Variants in DNAAF4 observed in about 807,000 individuals in gnomAD.
DNAAF4 encodes the protein dynein assembly factor 4, axonemal.
Under a neutral mutation model 51.8 loss-of-function variants are expected in DNAAF4, and 43 were observed. That is an observed-to-expected ratio of 0.83 (90% CI 0.65 to 1.07). The LOEUF is 1.07. Ranked by LOEUF, DNAAF4 falls within the 50% of genes least tolerant of loss-of-function variation. DNAAF4 has a pLI of 0.00. For synonymous variants in DNAAF4, 194 were observed against 165.6 expected, an observed-to-expected ratio of 1.17 and a Z score of -1.32; for missense variants, 581 against 493.0, an observed-to-expected ratio of 1.18 and a Z score of -1.69.
chr15:55,457,429 C>T (rs748045921), intron 5 of DNAAF4, among the ~76,000 whole-genome samples: 1 of 152,168 alleles, frequency 6.6e-6, no homozygotes, highest in African/African-American at 2.4e-5. Flanking sequence ...AGCCCAGACC[C>T]AACTAACCTT....
intron 5 of DNAAF4, among the ~76,000 whole-genome samples, chr15:55,451,219 G>T (rs1467649546): frequency 6.6e-6 from 1 of 152,216 alleles, no homozygotes; most frequent in Non-Finnish European, 1.5e-5. Context: ...TAACAGAGGT[G>T]ATCCCATCAG....
Position 55,497,702 on chromosome 15 carries a change from A to C in DNAAF4, c.271+10T>G, listed in dbSNP as rs1490747250. On this transcript the variant is annotated intron_variant, in intron 3 of 9. Coordinates refer to ENST00000321149, the MANE Select transcript of DNAAF4 (RefSeq NM_130810.4). ...ACAACCAGATGAACATCTTTTAATA[A>C]AGAACTTACCACCCGTCACAGAAAG... 1 of 1,592,246 alleles carries C rather than the reference A, an allele frequency of 6.3e-7. No individual in the cohort carries two copies. Among genetic ancestry groups the C allele is most frequent in the Non-Finnish European group, 8.5e-7 (1 of 1,172,440 alleles).
chr15:55,419,607 TGATA>T (rs1239675623), intron 7 of DNAAF4, among the ~76,000 whole-genome samples: 5 of 152,334 alleles, frequency 3.3e-5, no homozygotes, highest in African/African-American at 9.6e-5. Context: ...TGTAATTTAT[TGATA>T]GATTGAGCAA....
In DNAAF4 at chr15:55,467,178, T is replaced by C. The variant is rs1031621556; in HGVS notation, c.406-17A>G. The C allele has an allele frequency of 1.4e-6, 2 of 1,419,610 alleles. No homozygotes were observed. Among genetic ancestry groups the C allele is most frequent in the Non-Finnish European group, 1.9e-6 (2 of 1,040,598 alleles). 87.9% of individuals were successfully genotyped at this position (1,419,610 alleles called of 1,614,324 possible). ...TTCTTCAATCTATAACAATTGCAAT[T>C]ACCAAATTCTTTAAAATACATAAAA... On this transcript the variant is annotated splice_polypyrimidine_tract_variant and intron_variant, in intron 4 of 9. Transcript: ENST00000321149.
chr15:55,439,509 C>A lies in DNAAF4; in HGVS notation c.856G>T (p.Glu286Ter), dbSNP rs770136467. Residue 286 changes from glutamate to a stop codon, truncating the protein, a stop_gained, in exon 7 of 10, where the codon GAA becomes TAA. Transcript: ENST00000321149. LOFTEE classifies it high-confidence loss of function. Reference protein sequence around the residue: ...DIAELCDLKEEEKNPEWLKDK... With the variant: ...DIAELCDLKE ...TTCAACCATTCTGGGTTCTTTTCTT[C>A]TTCTTTTAAATCGCAAAGTTCAGCT... 2.4e-5 allele frequency: 38 copies of A among 1,614,070 alleles called. No individual in the cohort carries two copies. Among genetic ancestry groups the A allele is most frequent in the Non-Finnish European group, 3.1e-5 (36 of 1,179,990 alleles).
In DNAAF4 at chr15:55,447,265, G is replaced by A. The variant is rs542477509; in HGVS notation, c.783+2957C>T. On this transcript the variant is annotated intron_variant, in intron 6 of 9. Transcript: ENST00000321149. ...CCACTTCCCAGATGGGGTGGCGGTC[G>A]GGCAGAGGTGCTCCTCACATCCCAG... Among the ~76,000 whole-genome samples, 8 of 150,606 alleles carry A rather than the reference G, an allele frequency of 5.3e-5. No homozygotes were observed. In the South Asian group the frequency reaches 1.3e-3, roughly 24 times the overall value.
chr15:55,463,347 T>C (rs976134648), intron 5 of DNAAF4, among the ~76,000 whole-genome samples: 9 of 152,058 alleles, frequency 5.9e-5, no homozygotes, highest in Admixed American at 2.0e-4. Context: ...CAGTGAAAAG[T>C]TGAAAGTGTT....
rs1450311176 is a variant in DNAAF4, at chr15:55,466,984, T to A, written c.583A>T (p.Ile195Leu). The A allele has an allele frequency of 6.3e-7, 1 of 1,582,102 alleles. No homozygotes were observed. The highest frequency in any genetic ancestry group is 8.6e-7 in the Non-Finnish European group (1 of 1,169,588). The change falls in exon 5 of 10, where the codon ATA becomes TTA. Residue 195 changes from isoleucine to leucine, a missense_variant. By Grantham distance (5) the Ile-to-Leu change is conservative (BLOSUM62 2). Transcript: ENST00000321149. ...EKQIKEERKK[I>L]KYKSLTRNLA... is the part of the protein sequence containing the mutation. ...TTTCTAGTAAGACTCTTATATTTTA[T>A]TTTTTTTCTTTCTTCTTTAATTTGC...
chr15:55,438,956 C>T (rs1283043543), intron 7 of DNAAF4, among the ~76,000 whole-genome samples: 1 of 151,976 alleles, frequency 6.6e-6, no homozygotes, highest in Non-Finnish European at 1.5e-5. Context: ...ATTTTTATGA[C>T]ATTTAAATAA....
chr15:55,450,105 T>A, intron 6 of DNAAF4, 117 bp downstream of exon 6: 1 of 1,159,106 alleles, frequency 8.6e-7, no homozygotes, highest in Non-Finnish European at 1.2e-6. Flanking sequence ...TTCATGACGT[T>A]ATTTCTTTAG....
Position 55,430,682 on chromosome 15 carries a change from T to G in DNAAF4, c.1251A>C (p.Glu417Asp), listed in dbSNP as rs762447277. Residue 417 changes from glutamate to aspartate, a missense_variant, in exon 10 of 10, where the codon GAA (glutamate) becomes GAC (aspartate). Glu to Asp is a conservative substitution (Grantham distance 45, BLOSUM62 2). Transcript: ENST00000321149. ...CTTCTAATAGTCATTAAGATTTTAG[T>G]TCTGTTCCTTGAATTACATTCCGAA... The part of the protein sequence containing the change: ...EKIRNVIQGT[E>D]LKS 1 of 1,612,548 alleles carries G rather than the reference T, an allele frequency of 6.2e-7. No homozygotes were observed. Among genetic ancestry groups the G allele is most frequent in the Non-Finnish European group, 8.5e-7 (1 of 1,179,294 alleles).
At chr15:55,424,178 G>C (rs1216753322) in intron 7 of DNAAF4, among the ~76,000 whole-genome samples, 1 of 152,056 alleles carries the variant, frequency 6.6e-6, no homozygotes, top group Non-Finnish European at 1.5e-5. Context: ...GTTATTGCAG[G>C]ACTGGGTTTA....
chr15:55,469,719 T>C (rs2058225501), intron 4 of DNAAF4, among the ~76,000 whole-genome samples: 1 of 151,954 alleles, frequency 6.6e-6, no homozygotes, highest in South Asian at 2.1e-4. Flanking sequence ...CTCGATCTCC[T>C]GACCTCGTGA....
intron 5 of DNAAF4, among the ~76,000 whole-genome samples, chr15:55,450,857 G>A (rs1444407380): frequency 6.6e-6 from 1 of 152,190 alleles, no homozygotes; most frequent in African/African-American, 2.4e-5. Flanking sequence ...CAGCACTTTG[G>A]GAGGCCAAGG....
chr15:55,495,493 T>C (rs974247700), intron 3 of DNAAF4, among the ~76,000 whole-genome samples: 4 of 152,010 alleles, frequency 2.6e-5, no homozygotes, highest in East Asian at 1.9e-4. Context: ...ATCCCAGCAT[T>C]TGGGAGGCCA....
chr15:55,491,628 A>T (rs144556739), intron 3 of DNAAF4, among the ~76,000 whole-genome samples: 1,572 of 144,698 alleles, frequency 0.011, 15 homozygotes, highest in South Asian at 0.016. Context: ...ATAAATCATC[A>T]TTTATATAAT....
At chr15:55,501,666 C>T (rs1330610592) in intron 1 of DNAAF4, among the ~76,000 whole-genome samples, 2 of 151,990 alleles carry the variant, frequency 1.3e-5, no homozygotes, top group Admixed American at 6.5e-5. Flanking sequence ...TAAGCCACCA[C>T]GCCGGGCCAG....
At chr15:55,433,832 C>T (rs1309052230) in intron 8 of DNAAF4, among the ~76,000 whole-genome samples, 7 of 75,102 alleles carry the variant, frequency 9.3e-5, no homozygotes, top group Non-Finnish European at 1.5e-4. Context: ...ATATATATTA[C>T]ATATATTATA....
chr15:55,464,162 C>T (rs1176930078), intron 5 of DNAAF4, among the ~76,000 whole-genome samples: 1 of 152,158 alleles, frequency 6.6e-6, no homozygotes, highest in Non-Finnish European at 1.5e-5. Flanking sequence ...CAAATACAGC[C>T]AACCAATCTT....
Sources: allele counts gnomAD v4.1 joint callset (sites outside exome capture counted in the v4.1 genomes callset), GRCh38; gene constraint gnomAD v4.1.1; transcripts MANE v1.5; gene names NCBI Gene and HGNC (gene_info 2026-07-23, HGNC 2026-07-21).